The following CYTH1 variants were observed in gnomAD, a reference collection of about 807,000 sequenced individuals.
The protein encoded by CYTH1 is cytohesin-1.
Under a neutral mutation model 61.8 loss-of-function variants are expected in CYTH1, and 18 were observed. The ratio of observed to expected loss-of-function variants is 0.29; its 90% CI spans 0.20 to 0.43. The LOEUF (loss-of-function observed/expected upper bound fraction) is 0.43, where lower values mean the gene tolerates loss of function less well. Ranked by LOEUF, CYTH1 falls within the 20% of genes least tolerant of loss-of-function variation. CYTH1 has a pLI of 1.00. For synonymous variants in CYTH1, 174 were observed against 184.3 expected (o/e 0.94, Z 0.45); for missense variants, 336 against 510.5 (o/e 0.66, Z 3.29).
At chr17:78,780,492 C>T (rs1248840580) in intron 1 of CYTH1, among the ~76,000 whole-genome samples, 1 of 152,036 alleles carries the variant, frequency 6.6e-6, no homozygotes, top group Non-Finnish European at 1.5e-5. Context: ...CTCCAGCCTG[C>T]GCAAGAGAGC....
At chr17:78,729,184 T>G (rs542692797) in intron 1 of CYTH1, among the ~76,000 whole-genome samples, 1 of 152,170 alleles carries the variant, frequency 6.6e-6, no homozygotes, top group African/African-American at 2.4e-5. Flanking sequence ...CATAGCTCAC[T>G]GCAGCCTCAA....
intron 1 of CYTH1, among the ~76,000 whole-genome samples, chr17:78,767,932 C>A (rs1279541325): frequency 6.6e-6 from 1 of 151,918 alleles, no homozygotes; most frequent in African/African-American, 2.4e-5. Flanking sequence ...TTAGAGAACA[C>A]AAAAGAAAGG....
intron 1 of CYTH1, among the ~76,000 whole-genome samples, chr17:78,760,305 C>G (rs180931451): frequency 3.2e-4 from 47 of 144,816 alleles, no homozygotes; most frequent in Admixed American, 2.8e-3. Flanking sequence ...ACTGAATTCC[C>G]TCTTTTGACT....
chr17:78,685,360 A>T (rs1011147129), intron 11 of CYTH1, among the ~76,000 whole-genome samples: 22 of 148,494 alleles, frequency 1.5e-4, no homozygotes, highest in African/African-American at 5.5e-4. Context: ...TTATTATTTC[A>T]CTTTTACATT....
At chr17:78,692,353 A>C in intron 11 of CYTH1, 64 bp downstream of exon 11, 18 of 1,511,386 alleles carry the variant, frequency 1.2e-5, no homozygotes, top group Non-Finnish European at 1.7e-5. Flanking sequence ...ATGTCTGATT[A>C]GAGACACTTG....
At chr17:78,716,474 T>A (rs2093181781) in intron 1 of CYTH1, among the ~76,000 whole-genome samples, 1 of 152,188 alleles carries the variant, frequency 6.6e-6, no homozygotes, top group South Asian at 2.1e-4. Context: ...TTATCTACAT[T>A]TATTTTGATC....
chr17:78,734,172 C>A (rs2093308919), intron 1 of CYTH1, among the ~76,000 whole-genome samples: 1 of 151,770 alleles, frequency 6.6e-6, no homozygotes, highest in South Asian at 2.1e-4. Context: ...ATCGCTTGAA[C>A]CCAGGAGGCA....
At chr17:78,730,931 TG>T (rs2093290865) in intron 1 of CYTH1, among the ~76,000 whole-genome samples, 1 of 152,120 alleles carries the variant, frequency 6.6e-6, no homozygotes, top group Admixed American at 6.5e-5. Flanking sequence ...CCCAAAGTGC[TG>T]GGATTACAGG....
chr17:78,676,424 A>G (rs2092699914), intron 13 of CYTH1: 1 of 504,386 alleles, frequency 2.0e-6, no homozygotes, highest in Admixed American at 3.8e-5. Context: ...ATAATAATCA[A>G]TTCACATTTA....
chr17:78,770,222 G>C (rs1035973887), intron 1 of CYTH1, among the ~76,000 whole-genome samples: 1 of 151,086 alleles, frequency 6.6e-6, no homozygotes, highest in Non-Finnish European at 1.5e-5. Flanking sequence ...TACTTGGGAG[G>C]CTGAGGCAGA....
At chr17:78,699,095 A>G in intron 7 of CYTH1, 127 bp from the exon 8 acceptor site, 2 of 1,157,404 alleles carry the variant, frequency 1.7e-6, no homozygotes, top group Non-Finnish European at 2.5e-6. Flanking sequence ...GGCCAGATGC[A>G]GTGGCTTACA....
In CYTH1 at chr17:78,782,205, A is replaced by G. The variant is rs1242944391; in HGVS notation, c.19T>C (p.Tyr7His). The change falls in exon 1 of 14, where the codon TAC (tyrosine) becomes CAC (histidine). Residue 7 changes from tyrosine (Y) to histidine (H), a missense_variant. Physicochemically the swap from Tyr to His is moderately conservative, Grantham distance 83. This residue lies in a region of CYTH1 where 112 missense variants were observed against 127.1 expected (regional missense o/e 0.88). Transcript: ENST00000446868. MEEDDS[Y>H]VPSDLTAEER... ...TCCGCCGCCGGGGCGCACTGACCGT[A>G]GCTGTCGTCCTCCTCCATGGTGCGG... 1 of 1,370,940 alleles carries G rather than the reference A, an allele frequency of 7.3e-7. No homozygotes were observed. Among genetic ancestry groups the G allele is most frequent in the South Asian group, 1.5e-5 (1 of 67,090 alleles). 84.9% of individuals were successfully genotyped at this position (1,370,940 alleles called of 1,614,324 possible). A position where few individuals can be genotyped will look rare whatever the true frequency, so the allele number is the denominator to read the frequency against.
rs1220376397 is a variant in CYTH1, at chr17:78,782,194, G to T, written c.22+8C>A. ...AGGGGGAAGCGTCCGCCGCCGGGGC[G>T]CACTGACCGTAGCTGTCGTCCTCCT... On this transcript the variant is annotated splice_region_variant and intron_variant, in intron 1 of 13. Transcript: ENST00000446868. The T allele has an allele frequency of 8.0e-6, 11 of 1,366,982 alleles. No individual in the cohort carries two copies. The highest frequency in any genetic ancestry group is 1.5e-5 in the African/African-American group (1 of 65,868). 84.7% of individuals were successfully genotyped at this position (1,366,982 alleles called of 1,614,324 possible). A position where few individuals can be genotyped will look rare whatever the true frequency, so the allele number is the denominator to read the frequency against.
At chr17:78,743,521 C>T (rs1445245612) in intron 1 of CYTH1, among the ~76,000 whole-genome samples, 1 of 152,154 alleles carries the variant, frequency 6.6e-6, no homozygotes, top group African/African-American at 2.4e-5. Context: ...TTCCAGTTTT[C>T]AGGTTAGGGA....
At chr17:78,771,445 AAAG>A (rs896410145) in intron 1 of CYTH1, among the ~76,000 whole-genome samples, 16 of 151,672 alleles carry the variant, frequency 1.1e-4, no homozygotes, top group Non-Finnish European at 1.6e-4. Flanking sequence ...CTCAAAGAAA[AAAG>A]AAGGCCAGGT....
At chr17:78,727,236 T>C (rs1480797981) in intron 1 of CYTH1, among the ~76,000 whole-genome samples, 2 of 152,236 alleles carry the variant, frequency 1.3e-5, no homozygotes, top group African/African-American at 4.8e-5. Context: ...ACAGACATGA[T>C]AAGCATAAAG....
intron 13 of CYTH1, chr17:78,676,710 T>C (rs2143944295): frequency 3.0e-6 from 1 of 336,656 alleles, no homozygotes; most frequent in African/African-American, 2.2e-5. Flanking sequence ...TGGGGCACCA[T>C]GGACAGACCG....
intron 1 of CYTH1, among the ~76,000 whole-genome samples, chr17:78,743,210 G>A (rs932224910): frequency 1.2e-4 from 19 of 152,210 alleles, no homozygotes; most frequent in Non-Finnish European, 2.4e-4. Flanking sequence ...AAGCCAGGAA[G>A]AATATATACT....
At chr17:78,770,345 G>A (rs940717921) in intron 1 of CYTH1, among the ~76,000 whole-genome samples, 25 of 89,640 alleles carry the variant, frequency 2.8e-4, no homozygotes, top group South Asian at 1.5e-3. Flanking sequence ...AAAAAGAAAA[G>A]AAAAGAAAAG....
Sources: gnomAD v4.1 joint callset for allele counts (sites outside exome capture counted in the v4.1 genomes callset) on GRCh38, gnomAD v4.1.1 for gene constraint, gnomAD v4.1.1 regional missense constraint, MANE v1.5 for transcripts, NCBI Gene and HGNC (gene_info 2026-07-23, HGNC 2026-07-21) for gene names.